Variants in SPC25 observed in about 807,000 individuals in gnomAD.
SPC25 encodes the protein SPC25 component of NDC80 kinetochore complex, also known as kinetochore protein Spc25.
SPC25 carries 22 observed loss-of-function variants against 29.6 expected under a neutral mutation model. The observed-to-expected ratio is 0.74, with a 90% confidence interval of 0.53 to 1.06. The LOEUF is 1.06. Ranked by LOEUF, SPC25 falls within the 50% of genes least tolerant of loss-of-function variation. SPC25 has a pLI of 0.00. For synonymous variants in SPC25, 91 were observed against 90.4 expected, an observed-to-expected ratio of 1.01 and a Z score of -0.04; for missense variants, 230 against 255.8, an observed-to-expected ratio of 0.90 and a Z score of 0.69.
At chr2:168,874,193 C>A (rs1321947076) in intron 5 of SPC25, among the ~76,000 whole-genome samples, 1 of 152,118 alleles carries the variant, frequency 6.6e-6, no homozygotes, top group Non-Finnish European at 1.5e-5. Context: ...CCATTTCATA[C>A]CCAGTAGGAT....
At chr2:168,870,048 T>A (rs1689949754), downstream of SPC25, among the ~76,000 whole-genome samples, 3 of 151,956 alleles carry the variant, frequency 2.0e-5, no homozygotes, top group South Asian at 6.2e-4. Context: ...TCAGAAATAA[T>A]CCCACATATC....
intron 4 of SPC25, chr2:168,863,270 C>T (rs934348512): frequency 4.0e-5 from 13 of 324,886 alleles, no homozygotes; most frequent in African/African-American, 2.9e-4. Context: ...AATTTACTGA[C>T]GAGGGAGAAC....
chr2:168,883,461 G>A (rs1240131652), intron 3 of SPC25, among the ~76,000 whole-genome samples: 1 of 152,078 alleles, frequency 6.6e-6, no homozygotes, highest in African/African-American at 2.4e-5. Context: ...AAATTAAGTA[G>A]AATTGTACTA....
chr2:168,879,872 G>A (rs565872269), intron 3 of SPC25, among the ~76,000 whole-genome samples: 7 of 152,276 alleles, frequency 4.6e-5, no homozygotes, highest in East Asian at 1.9e-4. Context: ...CTCCATCAGC[G>A]CTCTTGAGTG....
At position 168,862,960 on chromosome 2, in the gene SPC25, G is replaced by A. The variant is rs1418690037; in HGVS notation, n.419+10625C>T. On this transcript the variant is annotated intron_variant and non_coding_transcript_variant, in intron 4 of 4. Coordinates refer to the SPC25 transcript ENST00000479309. ...ACACCACACATTTGCTATTTATTGG[G>A]TGTTTCCTTTGCAGCATTTGCCAGT... is the stretch of plus-strand genomic sequence containing the variant. 3.9e-5 allele frequency among the ~76,000 whole-genome samples: 6 copies of A among 152,208 alleles called. No individual in the cohort carries two copies. The South Asian group carries it at 1.2e-3, about 32-fold the overall frequency.
chr2:168,879,417 C>A (rs1434690960), intron 3 of SPC25, among the ~76,000 whole-genome samples: 1 of 152,160 alleles, frequency 6.6e-6, no homozygotes, highest in African/African-American at 2.4e-5. Context: ...TCCATAAAAC[C>A]ACTTTCTTTG....
At chr2:168,870,659 A>C (rs2105820140), downstream of SPC25, among the ~76,000 whole-genome samples, 1 of 151,592 alleles carries the variant, frequency 6.6e-6, no homozygotes, top group Admixed American at 6.6e-5. Flanking sequence ...ACAATGAGAT[A>C]CCATCTCACA....
downstream of SPC25, among the ~76,000 whole-genome samples, chr2:168,866,678 A>G (rs565090885): frequency 1.3e-4 from 20 of 152,186 alleles, no homozygotes; most frequent in South Asian, 4.1e-4. Flanking sequence ...ACCACCATCA[A>G]AGTGAACAGG....
At chr2:168,865,795 C>T (rs1054073040) in intron 4 of SPC25, among the ~76,000 whole-genome samples, 3 of 152,042 alleles carry the variant, frequency 2.0e-5, no homozygotes, top group Admixed American at 2.0e-4. Flanking sequence ...AATCAATGTG[C>T]AAACATCACA....
chr2:168,862,424 C>T (rs1189427669), intron 4 of SPC25, among the ~76,000 whole-genome samples: 2 of 152,218 alleles, frequency 1.3e-5, no homozygotes, highest in African/African-American at 4.8e-5. Flanking sequence ...TGCTCCTAAT[C>T]ACAGTGCACA....
At chr2:168,885,839 T>C (rs1341144248) in intron 3 of SPC25, among the ~76,000 whole-genome samples, 2 of 152,176 alleles carry the variant, frequency 1.3e-5, no homozygotes, top group African/African-American at 4.8e-5. Context: ...TGTGCTTATT[T>C]TGTCATAAAA....
At chr2:168,864,615 A>ATATC (rs1341925619) in intron 4 of SPC25, among the ~76,000 whole-genome samples, 1 of 152,188 alleles carries the variant, frequency 6.6e-6, no homozygotes, top group African/African-American at 2.4e-5. Flanking sequence ...ATTTTATGAT[A>ATATC]TATCTCAGTT....
downstream of SPC25, among the ~76,000 whole-genome samples, chr2:168,869,055 C>A (rs1049548427): frequency 3.3e-5 from 5 of 152,088 alleles, no homozygotes; most frequent in African/African-American, 1.2e-4. Flanking sequence ...GTTCAACATA[C>A]GAAAATCAAT....
In SPC25 at chr2:168,873,704, T is replaced by G. The variant is rs767841724; in HGVS notation, c.452-21A>C. 34 of 1,527,874 alleles carry G rather than the reference T, an allele frequency of 2.2e-5. No individual in the cohort carries two copies. In the South Asian group the frequency reaches 3.7e-4, roughly 17 times the overall value. 94.6% of individuals were successfully genotyped at this position (1,527,874 alleles called of 1,614,324 possible). A position where few individuals can be genotyped will look rare whatever the true frequency, so the allele number is the denominator to read the frequency against. ...CTCACCTGAAAAGAGATTAAACTAT[T>G]TAGTGTGTCAAAGCTTTCAATGGAG... On this transcript the variant is annotated intron_variant, in intron 5 of 6. Coordinates refer to ENST00000282074, the MANE Select transcript of SPC25 (RefSeq NM_020675.4).
intron 4 of SPC25, chr2:168,861,823 A>G: frequency 1.4e-6 from 1 of 724,636 alleles, no homozygotes; most frequent in Non-Finnish European, 2.3e-6. Context: ...AACATTATAT[A>G]AAATTACAAA....
At chr2:168,880,359 T>G (rs550321920) in intron 3 of SPC25, among the ~76,000 whole-genome samples, 51 of 152,342 alleles carry the variant, frequency 3.3e-4, no homozygotes, top group African/African-American at 1.2e-3. Context: ...AGGCAGCTGC[T>G]TTCCTTAAAC....
chr2:168,861,857 T>C (rs1203525333), intron 4 of SPC25: 2 of 1,025,038 alleles, frequency 2.0e-6, no homozygotes, highest in African/African-American at 3.2e-5. Flanking sequence ...AAAAATTTAA[T>C]ATATTGAAAC....
rs73969997 is a variant in SPC25, at chr2:168,880,692, G to A, written c.200-3308C>T. Among the ~76,000 whole-genome samples, 1,093 of 152,308 alleles carry A rather than the reference G, an allele frequency of 7.2e-3. 16 individuals are homozygous for A. Among genetic ancestry groups the A allele is most frequent in the African/African-American group, 0.025 (1,045 of 41,564 alleles). On this transcript the variant is annotated intron_variant, in intron 3 of 6. Coordinates refer to ENST00000282074, the MANE Select transcript of SPC25 (RefSeq NM_020675.4). ...ATTTCTAGCTTTTGATTTAAAGTGA[G>A]AGACCTATGACTCCTTCTTTCAGTT...
At chr2:168,883,004 T>C (rs79640730) in intron 3 of SPC25, among the ~76,000 whole-genome samples, 2,661 of 152,242 alleles carry the variant, frequency 0.017, 82 homozygotes, top group African/African-American at 0.06. Context: ...TTACCTCCTT[T>C]GACCCAGCAA....
Sources: allele counts gnomAD v4.1 joint callset (sites outside exome capture counted in the v4.1 genomes callset), GRCh38; gene constraint gnomAD v4.1.1; transcripts MANE v1.5; gene names NCBI Gene and HGNC (gene_info 2026-07-23, HGNC 2026-07-21).